Variants in ULK4 observed in about 807,000 individuals in gnomAD.
The protein encoded by ULK4 is inactive serine/threonine-protein kinase ULK4.
ULK4 carries 133 observed loss-of-function variants against 160.6 expected under a neutral mutation model. That is an observed-to-expected ratio of 0.83 (90% CI 0.72 to 0.96). The LOEUF is 0.96. ULK4 is among the 40% of genes least tolerant of loss of function. The pLI, the probability that ULK4 is intolerant of heterozygous loss-of-function variation, is 0.00. For missense variants in ULK4, 1,580 were observed against 1,499.5 expected (o/e 1.05, Z -0.89); for synonymous variants, 534 against 539.8 (o/e 0.99, Z 0.15).
intron 31 of ULK4, among the ~76,000 whole-genome samples, chr3:41,586,904 G>C (rs905769441): frequency 5.3e-5 from 8 of 152,058 alleles, no homozygotes; most frequent in Admixed American, 5.2e-4. Context: ...ATATTTGATA[G>C]TATTAATAAA....
At chr3:41,481,743 C>T (rs1166674940) in intron 32 of ULK4, among the ~76,000 whole-genome samples, 10 of 144,138 alleles carry the variant, frequency 6.9e-5, no homozygotes, top group South Asian at 2.2e-4. Flanking sequence ...AGGAGAATGG[C>T]GTGAACCCGG....
intron 35 of ULK4, among the ~76,000 whole-genome samples, chr3:41,388,614 C>G (rs2081879224): frequency 6.6e-6 from 1 of 152,008 alleles, no homozygotes; most frequent in South Asian, 2.1e-4. Context: ...TTTCCCAGCA[C>G]CATTTGTTAA....
chr3:41,603,937 A>G (rs2032243743), intron 31 of ULK4, among the ~76,000 whole-genome samples: 1 of 152,150 alleles, frequency 6.6e-6, no homozygotes, highest in Admixed American at 6.6e-5. Context: ...ATAACTATTC[A>G]ATAGATGCAT....
intron 17 of ULK4, among the ~76,000 whole-genome samples, chr3:41,868,634 C>T (rs182554501): frequency 1.3e-5 from 2 of 151,478 alleles, no homozygotes; most frequent in Admixed American, 6.6e-5. Flanking sequence ...ATTACAGAGG[C>T]GTGCACCATC....
chr3:41,774,404 TG>T (rs1470785885), intron 21 of ULK4, among the ~76,000 whole-genome samples: 1 of 150,650 alleles, frequency 6.6e-6, no homozygotes, highest in Non-Finnish European at 1.5e-5. Context: ...CATCACAAAG[TG>T]GGCAAAGGAT....
At chr3:41,558,812 G>C (rs928842528) in intron 32 of ULK4, among the ~76,000 whole-genome samples, 5 of 151,894 alleles carry the variant, frequency 3.3e-5, no homozygotes, top group African/African-American at 1.2e-4. Flanking sequence ...TTCAGTGACA[G>C]ATTTTATCCC....
chr3:41,960,057 T>C (rs2148851252), intron 1 of ULK4, among the ~76,000 whole-genome samples: 1 of 152,074 alleles, frequency 6.6e-6, no homozygotes, highest in Non-Finnish European at 1.5e-5. Context: ...TTTTTTTTTT[T>C]TAAAGGAGGC....
intron 22 of ULK4, among the ~76,000 whole-genome samples, chr3:41,754,039 C>T (rs2125897870): frequency 6.6e-6 from 1 of 152,204 alleles, no homozygotes; most frequent in Admixed American, 6.5e-5. Flanking sequence ...GAAACCACTC[C>T]CATGATCCAA....
chr3:41,807,899 T>C (rs2040697794), intron 19 of ULK4, among the ~76,000 whole-genome samples: 1 of 152,200 alleles, frequency 6.6e-6, no homozygotes, highest in Non-Finnish European at 1.5e-5. Context: ...AAATAAAATG[T>C]GACATCCATT....
chr3:41,719,294 C>G (rs900906876), intron 22 of ULK4, among the ~76,000 whole-genome samples: 3 of 152,190 alleles, frequency 2.0e-5, no homozygotes, highest in Non-Finnish European at 4.4e-5. Context: ...CACAGGCTAT[C>G]TCATTCCTAC....
intron 34 of ULK4, among the ~76,000 whole-genome samples, chr3:41,432,290 C>A (rs1369350385): frequency 6.6e-6 from 1 of 152,112 alleles, no homozygotes; most frequent in Admixed American, 6.5e-5. Context: ...TACCCATTAG[C>A]ACCTCAACTT....
At chr3:41,279,575 C>A (rs959717855) in intron 35 of ULK4, among the ~76,000 whole-genome samples, 2 of 134 alleles carry the variant, frequency 0.015, no homozygotes, top group East Asian at 0.14. Context: ...GTCGGGTTAC[C>A]CCCAAAGGAA....
In ULK4 at chr3:41,601,421, A is replaced by G. The variant is rs147525419; in HGVS notation, c.3120+14248T>C. Among the ~76,000 whole-genome samples the G allele has an allele frequency of 5.1e-3, 783 of 152,298 alleles. 5 individuals carry two copies. Among genetic ancestry groups the G allele is most frequent in the African/African-American group, 0.018 (752 of 41,558 alleles). On this transcript the variant is annotated intron_variant, in intron 31 of 36. Transcript: ENST00000301831. Reference sequence around the variant, plus strand: ...TAATTTATGTAGGTACTTTGCCCCCAAGGAGATAGAGCTTCATTTCCTATT... The same window carrying G: ...TAATTTATGTAGGTACTTTGCCCCCGAGGAGATAGAGCTTCATTTCCTATT...
chr3:41,844,903 T>C (rs1437713272), intron 17 of ULK4, among the ~76,000 whole-genome samples: 2 of 151,406 alleles, frequency 1.3e-5, no homozygotes, highest in Non-Finnish European at 2.9e-5. Context: ...CACACAAACA[T>C]CTGTAAATGG....
At chr3:41,540,223 A>G (rs11923339) in intron 32 of ULK4, among the ~76,000 whole-genome samples, 77,512 of 151,594 alleles carry the variant, frequency 0.51, 19,921 homozygotes, top group Middle Eastern at 0.57. Context: ...CCCATCCCCC[A>G]ATAGGCCCCA....
At chr3:41,889,120 G>T (rs1478759902) in intron 16 of ULK4, among the ~76,000 whole-genome samples, 2 of 151,658 alleles carry the variant, frequency 1.3e-5, no homozygotes, top group East Asian at 3.8e-4. Context: ...AGTTCAAGAG[G>T]TAAGAATACA....
At chr3:41,944,006 T>A (rs964624275) in intron 2 of ULK4, among the ~76,000 whole-genome samples, 1 of 152,174 alleles carries the variant, frequency 6.6e-6, no homozygotes, top group Non-Finnish European at 1.5e-5. Context: ...GAAAAAGATT[T>A]CCGCCCCTCC....
chr3:41,676,253 A>G (rs968865225), intron 29 of ULK4, among the ~76,000 whole-genome samples: 2 of 152,230 alleles, frequency 1.3e-5, no homozygotes, highest in Middle Eastern at 3.2e-3. Flanking sequence ...CTAAAGTTAT[A>G]TAAAAGTTTT....
intron 21 of ULK4, among the ~76,000 whole-genome samples, chr3:41,760,022 G>GT (rs1267325981): frequency 6.6e-6 from 1 of 152,074 alleles, no homozygotes; most frequent in Admixed American, 6.6e-5. Context: ...GAAGGACACT[G>GT]TAAGAAAAGA....
Sources: allele counts gnomAD v4.1 joint callset (sites outside exome capture counted in the v4.1 genomes callset), GRCh38; gene constraint gnomAD v4.1.1; transcripts MANE v1.5; gene names NCBI Gene and HGNC (gene_info 2026-07-23, HGNC 2026-07-21).